RABGAP1: variants seen among roughly 807,000 people sequenced by gnomAD.
RABGAP1 encodes the protein rab GTPase-activating protein 1.
In RABGAP1, 23 loss-of-function variants were observed where a neutral mutation model predicts 137.6. The observed-to-expected ratio is 0.17, with a 90% CI of 0.12 to 0.24. The LOEUF (loss-of-function observed/expected upper bound fraction) is 0.24, where lower values mean the gene tolerates loss of function less well. RABGAP1 is among the 10% of genes least tolerant of loss of function. RABGAP1 has a pLI of 1.00. For synonymous variants in RABGAP1, 451 were observed against 450.7 expected (o/e 1.00, Z -0.01); for missense variants, 906 against 1,275.8 (o/e 0.71, Z 4.42).
intron 5 of RABGAP1, 62 bp from the exon 6 acceptor site, chr9:122,989,994 C>A: frequency 1.4e-6 from 2 of 1,436,310 alleles, no homozygotes; most frequent in Non-Finnish European, 1.9e-6. Flanking sequence ...AATCTTCCAG[C>A]CTTAATAAAG....
Position 122,986,428 on chromosome 9 carries a change from G to T in RABGAP1, c.590+9G>T. On this transcript the variant is annotated intron_variant, in intron 4 of 25. Transcript: ENST00000373647. Reference sequence around the variant, plus strand: ...TCTGAAGGAATTGTGAGGTGAGACTGGTTTGTTGAAATCTTTCGATATTTA... The same window carrying T: ...TCTGAAGGAATTGTGAGGTGAGACTTGTTTGTTGAAATCTTTCGATATTTA... 1.9e-6 allele frequency: 3 copies of T among 1,612,594 alleles called. No individual in the cohort carries two copies. The highest frequency in any genetic ancestry group is 2.5e-6 in the Non-Finnish European group (3 of 1,178,720).
chr9:123,017,553 T>C (rs1257833179), intron 12 of RABGAP1, among the ~76,000 whole-genome samples: 1 of 152,232 alleles, frequency 6.6e-6, no homozygotes, highest in Non-Finnish European at 1.5e-5. Context: ...ATTGTAATAA[T>C]GGAATTTTAA....
At chr9:122,976,380 T>C (rs927606115) in intron 2 of RABGAP1, among the ~76,000 whole-genome samples, 3 of 152,232 alleles carry the variant, frequency 2.0e-5, no homozygotes, top group Non-Finnish European at 2.9e-5. Flanking sequence ...GAAGTCTTTG[T>C]TGGACTTCAA....
intron 13 of RABGAP1, among the ~76,000 whole-genome samples, chr9:123,036,463 G>A (rs911520220): frequency 1.3e-5 from 2 of 152,142 alleles, no homozygotes; most frequent in East Asian, 3.8e-4. Flanking sequence ...TCAGTGATAG[G>A]CTGTTGGCTG....
intron 13 of RABGAP1, among the ~76,000 whole-genome samples, chr9:123,058,688 A>G (rs2033847129): frequency 6.6e-6 from 1 of 152,256 alleles, no homozygotes; most frequent in African/African-American, 2.4e-5. Flanking sequence ...GATATTTTAC[A>G]GTATAGTTTT....
intron 2 of RABGAP1, among the ~76,000 whole-genome samples, chr9:122,968,895 G>A (rs1835320119): frequency 6.6e-6 from 1 of 152,208 alleles, no homozygotes; most frequent in African/African-American, 2.4e-5. Context: ...GATTACAGGT[G>A]TGAGCCACCG....
At chr9:123,084,643 C>T (rs1011619973) in intron 19 of RABGAP1, among the ~76,000 whole-genome samples, 4 of 152,184 alleles carry the variant, frequency 2.6e-5, no homozygotes, top group African/African-American at 9.7e-5. Flanking sequence ...TTGTTTGCAG[C>T]ACATGTTCAG....
At chr9:123,099,406 G>A in intron 23 of RABGAP1, 72 bp from the exon 24 acceptor site, 2 of 1,380,154 alleles carry the variant, frequency 1.4e-6, no homozygotes, top group Non-Finnish European at 2.1e-6. Context: ...ACATATTCCA[G>A]CTTCCACTAT....
chr9:123,024,887 C>T (rs1564141552), intron 13 of RABGAP1, among the ~76,000 whole-genome samples: 1 of 152,176 alleles, frequency 6.6e-6, no homozygotes, highest in African/African-American at 2.4e-5. Flanking sequence ...TGATCCTTTT[C>T]ATATGCATTA....
intron 1 of RABGAP1, among the ~76,000 whole-genome samples, chr9:122,944,093 A>G (rs1411120055): frequency 6.6e-6 from 1 of 152,244 alleles, no homozygotes; most frequent in Admixed American, 6.5e-5. Context: ...AATTGGTGCT[A>G]CAGGTGAGTA....
intron 13 of RABGAP1, among the ~76,000 whole-genome samples, chr9:123,022,157 A>G (rs987188975): frequency 5.9e-5 from 9 of 152,206 alleles, no homozygotes; most frequent in Non-Finnish European, 1.2e-4. Flanking sequence ...GTTTGGTCAA[A>G]AATGATTCTT....
intron 23 of RABGAP1, 27 bp downstream of exon 23, chr9:123,098,825 C>T (rs2035259957): frequency 6.4e-7 from 1 of 1,572,174 alleles, no homozygotes; most frequent in African/African-American, 1.4e-5. Context: ...TGGGATTGGG[C>T]TGTGTAATCT....
chr9:122,999,175 G>A (rs545678517), intron 10 of RABGAP1, among the ~76,000 whole-genome samples: 4 of 151,326 alleles, frequency 2.6e-5, no homozygotes, highest in Admixed American at 1.3e-4. Context: ...TATTGTTGTT[G>A]TTGTTGTTTG....
intron 3 of RABGAP1, among the ~76,000 whole-genome samples, chr9:122,985,923 CT>C (rs1836347531): frequency 6.6e-6 from 1 of 152,190 alleles, no homozygotes; most frequent in African/African-American, 2.4e-5. Context: ...CCAAATAGTA[CT>C]TCTTTTAAGT....
chr9:123,041,402 A>G (rs1416597840), intron 13 of RABGAP1, among the ~76,000 whole-genome samples: 2 of 152,200 alleles, frequency 1.3e-5, no homozygotes, highest in East Asian at 1.9e-4. Context: ...GTGAGGAAAC[A>G]TAGGCTTAGA....
At chr9:122,968,087 T>C (rs544823923) in intron 2 of RABGAP1, among the ~76,000 whole-genome samples, 10 of 152,102 alleles carry the variant, frequency 6.6e-5, no homozygotes, top group African/African-American at 2.4e-4. Context: ...TATGCGTTAA[T>C]GTGTATATAT....
intron 2 of RABGAP1, among the ~76,000 whole-genome samples, chr9:122,970,968 A>G (rs1045658438): frequency 3.3e-5 from 5 of 152,224 alleles, no homozygotes; most frequent in Non-Finnish European, 7.3e-5. Flanking sequence ...AGCTGGAACT[A>G]TACATATGGG....
At chr9:122,958,377 A>G (rs1181814079) in intron 2 of RABGAP1, among the ~76,000 whole-genome samples, 1 of 152,230 alleles carries the variant, frequency 6.6e-6, no homozygotes, top group South Asian at 2.1e-4. Context: ...AGCAAATAAG[A>G]AAATAAATAT....
chr9:122,931,818 T>C, the RABGAP1 span, among the ~76,000 whole-genome samples: 1 of 152,254 alleles, frequency 6.6e-6, no homozygotes, highest in Non-Finnish European at 1.5e-5. Context: ...CTTCTGTAGC[T>C]GGGCCTAGAC....
Sources: gnomAD v4.1 joint callset for allele counts (sites outside exome capture counted in the v4.1 genomes callset) on GRCh38, gnomAD v4.1.1 for gene constraint, MANE v1.5 for transcripts, NCBI Gene and HGNC (gene_info 2026-07-23, HGNC 2026-07-21) for gene names.